The following RGS7 variants were observed in gnomAD, a reference collection of about 807,000 sequenced individuals.
The protein encoded by RGS7 is regulator of G protein signaling 7.
RGS7 carries 27 observed loss-of-function variants against 81.1 expected under a neutral mutation model. That is an observed-to-expected ratio of 0.33 (90% CI 0.25 to 0.46). The LOEUF (loss-of-function observed/expected upper bound fraction) is 0.46, where lower values mean the gene tolerates loss of function less well. Ranked by LOEUF, RGS7 falls within the 20% of genes least tolerant of loss-of-function variation. RGS7 has a pLI of 1.00. For missense variants in RGS7, 396 were observed against 607.4 expected (o/e 0.65, Z 3.66); for synonymous variants, 208 against 207.7 (o/e 1.00, Z -0.01).
chr1:241,306,150 TCACACACGTC>T (rs1440487315), intron 2 of RGS7, among the ~76,000 whole-genome samples: 2 of 125,124 alleles, frequency 1.6e-5, no homozygotes, highest in Non-Finnish European at 3.4e-5. Flanking sequence ...ACACACACAC[TCACACACGTC>T]CACACACATT....
chr1:241,086,687 C>A (rs1470138853), intron 3 of RGS7, among the ~76,000 whole-genome samples: 1 of 151,996 alleles, frequency 6.6e-6, no homozygotes, highest in African/African-American at 2.4e-5. Flanking sequence ...TCAAAATTTT[C>A]AATGGCTCTT....
intron 9 of RGS7, among the ~76,000 whole-genome samples, chr1:240,867,997 T>TA (rs11386015): frequency 0.43 from 45,534 of 105,796 alleles, 8,778 homozygotes; most frequent in East Asian, 0.54. Flanking sequence ...CCAGATCCCA[T>TA]AAAAAAAGAG....
At chr1:241,193,339 G>A (rs2072826228) in intron 2 of RGS7, among the ~76,000 whole-genome samples, 2 of 152,146 alleles carry the variant, frequency 1.3e-5, no homozygotes, top group South Asian at 4.1e-4. Flanking sequence ...CCTGGATCTG[G>A]GCCTCAGACT....
intron 4 of RGS7, among the ~76,000 whole-genome samples, chr1:240,942,709 T>C (rs1179306239): frequency 6.6e-6 from 1 of 152,218 alleles, no homozygotes; most frequent in African/African-American, 2.4e-5. Flanking sequence ...ATAACAGGTA[T>C]TCATCAGGAC....
intron 3 of RGS7, among the ~76,000 whole-genome samples, chr1:241,080,804 T>G (rs2063089719): frequency 6.6e-6 from 1 of 152,230 alleles, no homozygotes; most frequent in African/African-American, 2.4e-5. Context: ...AGTAAATTAC[T>G]AACATCTCTT....
At chr1:240,916,897 A>T (rs1251182879) in intron 6 of RGS7, among the ~76,000 whole-genome samples, 1 of 152,232 alleles carries the variant, frequency 6.6e-6, no homozygotes, top group Non-Finnish European at 1.5e-5. Flanking sequence ...CCACACAACA[A>T]GGAAACTCAA....
At chr1:240,779,137 G>A (rs1332056904) in intron 18 of RGS7, among the ~76,000 whole-genome samples, 2 of 147,368 alleles carry the variant, frequency 1.4e-5, no homozygotes, top group African/African-American at 5.1e-5. Flanking sequence ...GTGTGTGTGT[G>A]ACAGTCTCAC....
At chr1:240,801,423 T>C in intron 17 of RGS7, 32 bp downstream of exon 17, 1 of 1,437,854 alleles carries the variant, frequency 7.0e-7, no homozygotes, top group Admixed American at 1.7e-5. Flanking sequence ...TTGGACTTAA[T>C]GATTCATAAT....
chr1:240,874,851 G>A (rs1665098457), intron 6 of RGS7, among the ~76,000 whole-genome samples: 1 of 151,998 alleles, frequency 6.6e-6, no homozygotes, highest in South Asian at 2.1e-4. Context: ...GACCAACCTG[G>A]CCAATATGGT....
downstream of RGS7, among the ~76,000 whole-genome samples, chr1:240,774,966 T>G (rs1342448): frequency 1 from 152,288 of 152,298 alleles, 76,139 homozygotes; most frequent in Middle Eastern, 1. Flanking sequence ...ATTTACGTAG[T>G]TTATATGCAA....
intron 4 of RGS7, among the ~76,000 whole-genome samples, chr1:240,971,979 T>C (rs1683270911): frequency 6.6e-6 from 1 of 152,228 alleles, no homozygotes; most frequent in Non-Finnish European, 1.5e-5. Context: ...TTTGAAACAA[T>C]TTGAAGAGCA....
chr1:240,943,876 C>T (rs1421231637), intron 4 of RGS7, among the ~76,000 whole-genome samples: 1 of 151,976 alleles, frequency 6.6e-6, no homozygotes, highest in African/African-American at 2.4e-5. Flanking sequence ...ATAACAGGGA[C>T]AGAGAGAGCA....
intron 2 of RGS7, among the ~76,000 whole-genome samples, chr1:241,100,077 A>G (rs1230268965): frequency 1.3e-5 from 2 of 152,128 alleles, no homozygotes; most frequent in African/African-American, 4.8e-5. Context: ...ATATTAATGA[A>G]TTATCAAATT....
At chr1:241,059,959 A>G (rs1244148364) in intron 3 of RGS7, among the ~76,000 whole-genome samples, 1 of 152,174 alleles carries the variant, frequency 6.6e-6, no homozygotes, top group Non-Finnish European at 1.5e-5. Context: ...CATCATATCC[A>G]CAGTCAGTCA....
intron 2 of RGS7, among the ~76,000 whole-genome samples, chr1:241,237,277 A>G (rs1382726167): frequency 6.6e-6 from 1 of 152,224 alleles, no homozygotes; most frequent in Non-Finnish European, 1.5e-5. Context: ...TTCAGGGAAC[A>G]TATCTGAGAA....
chr1:241,211,678 G>C (rs1042807817), intron 2 of RGS7, among the ~76,000 whole-genome samples: 6 of 152,160 alleles, frequency 3.9e-5, no homozygotes, highest in African/African-American at 1.4e-4. Context: ...CGAGCACTTT[G>C]AAGTTTCTAA....
At chr1:240,822,394 T>C (rs1691962827) in intron 10 of RGS7, among the ~76,000 whole-genome samples, 3 of 152,196 alleles carry the variant, frequency 2.0e-5, no homozygotes, top group Non-Finnish European at 4.4e-5. Context: ...AGCAGCTCTG[T>C]ACGAAAATGA....
At chr1:241,126,391 C>T (rs200744481) in intron 2 of RGS7, among the ~76,000 whole-genome samples, 37 of 152,144 alleles carry the variant, frequency 2.4e-4, no homozygotes, top group African/African-American at 6.7e-4. Context: ...TCAGGTGATC[C>T]GCCCGCCTTG....
chr1:241,349,203 C>T (rs1244303473), intron 2 of RGS7, among the ~76,000 whole-genome samples: 2 of 152,048 alleles, frequency 1.3e-5, no homozygotes, highest in Non-Finnish European at 2.9e-5. Context: ...GTCACCAAAC[C>T]ACAGCCACAC....
Sources: gnomAD v4.1 joint callset for allele counts (sites outside exome capture counted in the v4.1 genomes callset) on GRCh38, gnomAD v4.1.1 for gene constraint, MANE v1.5 for transcripts, NCBI Gene and HGNC (gene_info 2026-07-23, HGNC 2026-07-21) for gene names.